The following XKR4 variants were observed in gnomAD, a reference collection of about 807,000 sequenced individuals.
XKR4 encodes XK related 4.
XKR4 carries 12 observed loss-of-function variants against 53.9 expected under a neutral mutation model. The observed-to-expected ratio is 0.22, with a 90% CI of 0.14 to 0.36. The LOEUF (loss-of-function observed/expected upper bound fraction) is 0.36. Among genes scored for constraint, XKR4 ranks in the 10% least tolerant of loss-of-function variants. The pLI, the probability that XKR4 is intolerant of heterozygous loss-of-function variation, is 1.00. For synonymous variants in XKR4, 354 were observed against 362.4 expected, an observed-to-expected ratio of 0.98 and a Z score of 0.26; for missense variants, 799 against 859.5, an observed-to-expected ratio of 0.93 and a Z score of 0.88.
At chr8:55,326,668 A>G (rs1310990919) in intron 1 of XKR4, among the ~76,000 whole-genome samples, 5 of 151,344 alleles carry the variant, frequency 3.3e-5, no homozygotes, top group African/African-American at 9.7e-5. Flanking sequence ...ATGAGGCTTC[A>G]CCATGTTGCC....
At chr8:55,139,726 A>G (rs1816678618) in intron 1 of XKR4, among the ~76,000 whole-genome samples, 1 of 152,034 alleles carries the variant, frequency 6.6e-6, no homozygotes, top group Admixed American at 6.5e-5. Context: ...AACTCCTGAA[A>G]CATCCAATTC....
chr8:55,111,961 G>C (rs1032309329), intron 1 of XKR4, among the ~76,000 whole-genome samples: 6 of 152,138 alleles, frequency 3.9e-5, no homozygotes, highest in Non-Finnish European at 8.8e-5. Flanking sequence ...GTTAAAAATA[G>C]GGGTATGGTG....
At chr8:55,205,603 A>G (rs1817636179) in intron 1 of XKR4, among the ~76,000 whole-genome samples, 1 of 152,266 alleles carries the variant, frequency 6.6e-6, no homozygotes, top group African/African-American at 2.4e-5. Flanking sequence ...TGTGACCTAG[A>G]AAAATCAACA....
In XKR4 at chr8:55,189,345, A is replaced by T. The variant is rs185617921; in HGVS notation, c.806+86051A>T. On this transcript the variant is annotated intron_variant, in intron 1 of 2. Coordinates refer to ENST00000327381, the MANE Select transcript of XKR4 (RefSeq NM_052898.2). The stretch of plus-strand genomic sequence containing the variant: ...AGAAACGTCTGCCGAGGCACAGCTA[A>T]TGTATGAGTACGATCATGCCTCAAT... Among the ~76,000 whole-genome samples, 6 of 152,340 alleles carry T rather than the reference A, an allele frequency of 3.9e-5. No individual in the cohort carries two copies. The East Asian group carries it at 1.2e-3, about 29-fold the overall frequency.
At chr8:55,271,915 T>C (rs567574279) in intron 1 of XKR4, among the ~76,000 whole-genome samples, 10 of 152,362 alleles carry the variant, frequency 6.6e-5, no homozygotes, top group African/African-American at 2.2e-4. Context: ...GCTTATTGTA[T>C]ATAAAGGGAC....
chr8:55,537,129 G>C lies in XKR4; in HGVS notation c.*12902G>C, dbSNP rs1003438569. On this transcript the variant is annotated 3_prime_UTR_variant, in exon 3 of 3. Coordinates refer to ENST00000327381, the MANE Select transcript of XKR4 (RefSeq NM_052898.2). ...AACAAAATACCATACATAGTTTTTT[G>C]GGTTTGGTTTGTTGATGTCATGCCA... 5 of 152,052 alleles carry C rather than the reference G, an allele frequency of 3.3e-5. No individual in the cohort carries two copies. The highest frequency in any genetic ancestry group is 7.4e-5 in the Non-Finnish European group (5 of 68,006). 9.4% of individuals were successfully genotyped at this position (152,052 alleles called of 1,614,324 possible). A position where few individuals can be genotyped will look rare whatever the true frequency, so the allele number is the denominator to read the frequency against.
Position 55,432,569 on chromosome 8 carries a change from G to C in XKR4, c.1006+74692G>C, listed in dbSNP as rs574357485. On this transcript the variant is annotated intron_variant, in intron 2 of 2. Coordinates refer to ENST00000327381, the MANE Select transcript of XKR4 (RefSeq NM_052898.2). ...TTGCAGTGATCTTTACCATAGGTGAGTGGTGGATCATTGAACATATCTACA... is the reference window on the plus strand; with the variant it reads ...TTGCAGTGATCTTTACCATAGGTGACTGGTGGATCATTGAACATATCTACA... Among the ~76,000 whole-genome samples the C allele has an allele frequency of 2.6e-5, 4 of 151,718 alleles. No homozygotes were observed. The East Asian group carries it at 7.8e-4, about 30-fold the overall frequency.
intron 2 of XKR4, among the ~76,000 whole-genome samples, chr8:55,370,336 T>C (rs1038900005): frequency 5.3e-5 from 8 of 152,182 alleles, no homozygotes; most frequent in Admixed American, 3.9e-4. Flanking sequence ...AGGAAAGAGC[T>C]CTTAATAGTG....
intron 2 of XKR4, among the ~76,000 whole-genome samples, chr8:55,475,687 T>C (rs1245477001): frequency 6.6e-6 from 1 of 151,876 alleles, no homozygotes; most frequent in Non-Finnish European, 1.5e-5. Flanking sequence ...CACTGCAACC[T>C]CCACCTCCCA....
intron 1 of XKR4, chr8:55,164,788 AT>A: frequency 7.0e-6 from 1 of 142,044 alleles, no homozygotes; most frequent in South Asian, 7.0e-5. Context: ...TCACACACAC[AT>A]ACACACACAC....
chr8:55,324,917 A>C (rs1166630058), intron 1 of XKR4, among the ~76,000 whole-genome samples: 2 of 152,208 alleles, frequency 1.3e-5, no homozygotes, highest in African/African-American at 4.8e-5. Context: ...CCTCCTATAC[A>C]AATATTTTAC....
rs945225779 is a variant in XKR4, at chr8:55,527,433, C to A, written c.*3206C>A. 4 of 152,208 alleles carry A rather than the reference C, an allele frequency of 2.6e-5. No individual in the cohort carries two copies. The highest frequency in any genetic ancestry group is 2.9e-5 in the Non-Finnish European group (2 of 68,004). The allele number at this position is 152,208 out of a possible 1,614,324, so 9.4% of individuals were successfully genotyped here. ...AGGATCAGGAAATTTTCTAAAGGAACAACATTGTAATTTGTTTTACTTTTA... is the reference window on the plus strand; with the variant it reads ...AGGATCAGGAAATTTTCTAAAGGAAAAACATTGTAATTTGTTTTACTTTTA... On this transcript the variant is annotated 3_prime_UTR_variant, in exon 3 of 3. Coordinates refer to ENST00000327381, the MANE Select transcript of XKR4 (RefSeq NM_052898.2).
At chr8:55,479,071 C>T (rs1482652185) in intron 2 of XKR4, among the ~76,000 whole-genome samples, 2 of 152,080 alleles carry the variant, frequency 1.3e-5, no homozygotes, top group African/African-American at 4.8e-5. Context: ...CTACAGAACT[C>T]TCCACCCCAA....
chr8:55,272,739 T>G (rs1818709476), intron 1 of XKR4, among the ~76,000 whole-genome samples: 1 of 152,226 alleles, frequency 6.6e-6, no homozygotes. Context: ...TCTCAGACCC[T>G]TAAAACTTGC....
At chr8:55,318,808 G>A (rs1002787466) in intron 1 of XKR4, among the ~76,000 whole-genome samples, 1 of 152,176 alleles carries the variant, frequency 6.6e-6, no homozygotes, top group Non-Finnish European at 1.5e-5. Flanking sequence ...ATATAAGACA[G>A]TGCTTCCAAC....
intron 1 of XKR4, chr8:55,141,972 CCTCT>C: frequency 2.4e-6 from 1 of 418,476 alleles, no homozygotes; most frequent in Non-Finnish European, 4.8e-6. Context: ...CCAGGCCCCG[CCTCT>C]CTATTTCCAG....
intron 1 of XKR4, among the ~76,000 whole-genome samples, chr8:55,191,685 C>T (rs796597940): frequency 1.6e-4 from 19 of 117,034 alleles, no homozygotes; most frequent in South Asian, 5.2e-4. Flanking sequence ...TAGTACAATT[C>T]TTTTTTTTTT....
chr8:55,137,685 T>C (rs1157474113), intron 1 of XKR4, among the ~76,000 whole-genome samples: 1 of 151,120 alleles, frequency 6.6e-6, no homozygotes, highest in Non-Finnish European at 1.5e-5. Context: ...TGCTTCAACC[T>C]CTCAAGTAGC....
intron 2 of XKR4, among the ~76,000 whole-genome samples, chr8:55,405,335 T>A (rs1804666645): frequency 6.6e-6 from 1 of 152,184 alleles, no homozygotes; most frequent in African/African-American, 2.4e-5. Context: ...CTACCCACAT[T>A]GGGATTTGCT....
Sources: gnomAD v4.1 joint callset for allele counts (sites outside exome capture counted in the v4.1 genomes callset) on GRCh38, gnomAD v4.1.1 for gene constraint, MANE v1.5 for transcripts, NCBI Gene and HGNC (gene_info 2026-07-23, HGNC 2026-07-21) for gene names.